The following NFKBIE variants were observed in gnomAD, a reference collection of about 807,000 sequenced individuals.
NFKBIE encodes the protein NFKB inhibitor epsilon, also known as NF-kappa-B inhibitor epsilon.
In NFKBIE, 11 loss-of-function variants were observed where a neutral mutation model predicts 31.6. That is an observed-to-expected ratio of 0.35 (90% CI 0.22 to 0.58). NFKBIE has a LOEUF of 0.58. Among genes scored for constraint, NFKBIE ranks in the 20% least tolerant of loss-of-function variants. The pLI is 0.83. For synonymous variants in NFKBIE, 208 were observed against 210.1 expected (o/e 0.99, Z 0.09); for missense variants, 354 against 465.7 (o/e 0.76, Z 2.21).
At position 44,261,876 on chromosome 6, in the gene NFKBIE, GC is replaced by G. The variant is rs1458097542; in HGVS notation, c.469-29del. On this transcript the variant is annotated intron_variant, in intron 2 of 5. Coordinates refer to ENST00000619360, the MANE Select transcript of NFKBIE (RefSeq NM_004556.3). The surrounding 1 kb of genome is among the most constrained non-coding windows in gnomAD (Gnocchi z 4.3). ...GGAGGCACAAATAGAGGGTCATGGG[GC>G]CACTGCAGCATGCTCCCACCTCTGG... 6.3e-7 allele frequency: 1 copy of G among 1,578,188 alleles called. No individual in the cohort carries two copies. The highest frequency in any genetic ancestry group is 1.3e-5 in the African/African-American group (1 of 74,216).
rs1400767973 is a variant in NFKBIE, at chr6:44,263,723, AGGGAGGAAAGT to A, written c.366-1072_366-1062del. ...CCCACAGCCCAGACACCTCCAACAG[AGGGAGGAAAGT>A]GCCCCCTGCTCTCTGGGGACTCGCT... On this transcript the variant is annotated intron_variant, in intron 1 of 5. Transcript: ENST00000619360. This position sits in a 1 kb window ranked among gnomAD's most constrained non-coding sequence, Gnocchi z 5.0. Among the ~76,000 whole-genome samples the A allele has an allele frequency of 6.6e-6, 1 of 151,996 alleles. No individual in the cohort carries two copies. The highest frequency in any genetic ancestry group is 2.4e-5 in the African/African-American group (1 of 41,358).
Position 44,265,133 on chromosome 6 carries a change from T to C in NFKBIE, c.214A>G (p.Thr72Ala). The C allele has an allele frequency of 6.4e-7, 1 of 1,552,384 alleles. No homozygotes were observed. Among genetic ancestry groups the C allele is most frequent in the Non-Finnish European group, 8.7e-7 (1 of 1,147,306 alleles). ...TAGGTGAGCGAGGAGGAGCCATAGG[T>C]GGAATCAGCCCGCTCCCCATCCGCG... is the stretch of plus-strand genomic sequence containing the variant. ...EDADGERADS[T>A]YGSSSLTYTL... The change falls in exon 1 of 6, where the codon ACC becomes GCC. Residue 72 changes from threonine (T) to alanine (A), a missense_variant. Thr to Ala is a moderately conservative substitution (Grantham distance 58). This residue lies in a region of NFKBIE where 171 missense variants were observed against 155.1 expected (regional missense o/e 1.10). Coordinates refer to ENST00000619360, the MANE Select transcript of NFKBIE (RefSeq NM_004556.3).
At position 44,261,801 on chromosome 6, in the gene NFKBIE, C is replaced by T; in HGVS notation, c.516G>A (p.Arg172=). 1 of 1,613,032 alleles carries T rather than the reference C, an allele frequency of 6.2e-7. No individual in the cohort carries two copies. The highest frequency in any genetic ancestry group is 8.5e-7 in the Non-Finnish European group (1 of 1,180,028). Residue 172 remains arginine (R), a synonymous_variant, in exon 3 of 6, where the codon CGG becomes CGA. Transcript: ENST00000619360. The surrounding 1 kb of genome is among the most constrained non-coding windows in gnomAD (Gnocchi z 4.3). ...AVHLDQPGAV[R]ALVLKGASRA... ...GGCTGGCCCCCTTCAGCACCAGTGCCCGAACTGCGCCCGGTTGGTCCAGAT... is the reference window on the plus strand; with the variant it reads ...GGCTGGCCCCCTTCAGCACCAGTGCTCGAACTGCGCCCGGTTGGTCCAGAT...
Position 44,260,335 on chromosome 6 carries a change from C to T in NFKBIE, c.781-53G>A. On this transcript the variant is annotated intron_variant, in intron 4 of 5. Coordinates refer to ENST00000619360, the MANE Select transcript of NFKBIE (RefSeq NM_004556.3). The surrounding 1 kb of genome is among the most constrained non-coding windows in gnomAD (Gnocchi z 5.5). ...GGCCCTCAGAGGCAGTGTGCTGGGCCTGGGCTCTGGATAAGGAAGTGAATG... is the reference window on the plus strand; with the variant it reads ...GGCCCTCAGAGGCAGTGTGCTGGGCTTGGGCTCTGGATAAGGAAGTGAATG... 7 of 1,608,364 alleles carry T rather than the reference C, an allele frequency of 4.4e-6. No individual in the cohort carries two copies. The highest frequency in any genetic ancestry group is 6.0e-6 in the Non-Finnish European group (7 of 1,175,584).
Position 44,260,095 on chromosome 6 carries a change from T to C in NFKBIE, c.968A>G (p.Asp323Gly). The change falls in exon 5 of 6, where the codon GAC (aspartate) becomes GGC (glycine). Residue 323 changes from aspartate (D) to glycine (G), a missense_variant. This residue lies in a region of NFKBIE where 183 missense variants were observed against 310.6 expected (regional missense o/e 0.59). Coordinates refer to ENST00000619360, the MANE Select transcript of NFKBIE (RefSeq NM_004556.3). The surrounding 1 kb of genome is among the most constrained non-coding windows in gnomAD (Gnocchi z 5.5). ...ATCCTCCACATTCCGCAGCAGGGAG[T>C]CAGCACCCGCCTTGCACAGAGTGGA... is the stretch of plus-strand genomic sequence containing the variant. ...ISSTLCKAGA[D>G]SLLRNVEDET... 1 of 1,613,980 alleles carries C rather than the reference T, an allele frequency of 6.2e-7. No homozygotes were observed. Among genetic ancestry groups the C allele is most frequent in the Middle Eastern group, 1.6e-4 (1 of 6,062 alleles).
rs779768849 is a variant in NFKBIE, at chr6:44,260,152, A to G, written c.911T>C (p.Leu304Pro). 6.2e-7 allele frequency: 1 copy of G among 1,614,236 alleles called. No individual in the cohort carries two copies. ...GCCCATGAGACCCCGGCCAGCTGCCAGGTGCAGGGGTGTGCACCCGTTCAG... is the reference window on the plus strand; with the variant it reads ...GCCCATGAGACCCCGGCCAGCTGCCGGGTGCAGGGGTGTGCACCCGTTCAG... The part of the protein sequence containing the change: ...RMLNGCTPLH[L>P]AAGRGLMGIS... The change falls in exon 5 of 6, where the codon CTG becomes CCG. Residue 304 changes from leucine to proline, a missense_variant. Leu to Pro is a moderately conservative substitution (Grantham distance 98). Coordinates refer to ENST00000619360, the MANE Select transcript of NFKBIE (RefSeq NM_004556.3). The surrounding 1 kb of genome is among the most constrained non-coding windows in gnomAD (Gnocchi z 5.5).
chr6:44,264,675 A>G (rs1329674792), intron 1 of NFKBIE, among the ~76,000 whole-genome samples: 1 of 141,188 alleles, frequency 7.1e-6, no homozygotes, highest in African/African-American at 2.5e-5. Context: ...TTCCCCAGCA[A>G]GAAGAAACAA....
Position 44,265,398 on chromosome 6 carries a change from G to A in NFKBIE, c.-52C>T. The A allele has an allele frequency of 6.5e-7, 1 of 1,550,036 alleles. No individual in the cohort carries two copies. The highest frequency in any genetic ancestry group is 2.2e-4 in the Middle Eastern group (1 of 4,562). On this transcript the variant is annotated 5_prime_UTR_variant, in exon 1 of 6. Transcript: ENST00000619360. ...CGGTCTGAGCAGGATCCGGCTCCAG[G>A]CTCCGCCGCGCCGCCTTTCCGGGTT...
At position 44,261,884 on chromosome 6, in the gene NFKBIE, A is replaced by T. The variant is rs1258516099; in HGVS notation, c.469-36T>A. The T allele has an allele frequency of 1.3e-6, 2 of 1,555,032 alleles. No individual in the cohort carries two copies. Among genetic ancestry groups the T allele is most frequent in the East Asian group, 4.6e-5 (2 of 43,194 alleles). On this transcript the variant is annotated intron_variant, in intron 2 of 5. Coordinates refer to ENST00000619360, the MANE Select transcript of NFKBIE (RefSeq NM_004556.3). The surrounding 1 kb of genome is among the most constrained non-coding windows in gnomAD (Gnocchi z 4.3). Reference sequence around the variant, plus strand: ...AAATAGAGGGTCATGGGGCCACTGCAGCATGCTCCCACCTCTGGGAACATG... The same window carrying T: ...AAATAGAGGGTCATGGGGCCACTGCTGCATGCTCCCACCTCTGGGAACATG...
chr6:44,259,048 T>C lies in NFKBIE; in HGVS notation c.*171A>G. Reference sequence around the variant, plus strand: ...TCCTTCCAGACTGGCTCTCTTCCACTTGCAGTCCCTCCTCCTCGGCTCAGG... The same window carrying C: ...TCCTTCCAGACTGGCTCTCTTCCACCTGCAGTCCCTCCTCCTCGGCTCAGG... On this transcript the variant is annotated 3_prime_UTR_variant, in exon 6 of 6. Coordinates refer to ENST00000619360, the MANE Select transcript of NFKBIE (RefSeq NM_004556.3). The C allele has an allele frequency of 3.4e-6, 2 of 583,464 alleles. No homozygotes were observed. Among genetic ancestry groups the C allele is most frequent in the Non-Finnish European group, 3.0e-6 (1 of 328,572 alleles). The allele number at this position is 583,464 out of a possible 1,614,324, so 36.1% of individuals were successfully genotyped here. A position where few individuals can be genotyped will look rare whatever the true frequency, so the allele number is the denominator to read the frequency against.
chr6:44,265,328 C>G lies in NFKBIE; in HGVS notation c.19G>C (p.Gly7Arg). The change falls in exon 1 of 6, where the codon GGG (glycine) becomes CGG (arginine). Residue 7 changes from glycine to arginine, a missense_variant. Coordinates refer to ENST00000619360, the MANE Select transcript of NFKBIE (RefSeq NM_004556.3). Reference sequence around the variant, plus strand: ...TGGCTCTCCTCCGCCTCGTCCGGCCCCTTCCGCGCCTCCGACATGCCCGCG... The same window carrying G: ...TGGCTCTCCTCCGCCTCGTCCGGCCGCTTCCGCGCCTCCGACATGCCCGCG... Reference protein sequence around the residue: MSEARKGPDEAEESQYD... With the variant: MSEARKRPDEAEESQYD... 6.4e-7 allele frequency: 1 copy of G among 1,552,130 alleles called. No individual in the cohort carries two copies. The highest frequency in any genetic ancestry group is 8.7e-7 in the Non-Finnish European group (1 of 1,153,194).
At position 44,260,127 on chromosome 6, in the gene NFKBIE, G is replaced by A. The variant is rs758617214; in HGVS notation, c.936C>T (p.Gly312=). ...LHLAAGRGLM[G]ISSTLCKAGA... The stretch of plus-strand genomic sequence containing the variant: ...CCGCCTTGCACAGAGTGGATGAGAT[G>A]CCCATGAGACCCCGGCCAGCTGCCA... The change falls in exon 5 of 6, where the codon GGC becomes GGT. Residue 312 remains glycine (G), a synonymous_variant. Transcript: ENST00000619360. This position sits in a 1 kb window ranked among gnomAD's most constrained non-coding sequence, Gnocchi z 5.5. The A allele has an allele frequency of 3.1e-6, 5 of 1,614,218 alleles. No homozygotes were observed.
rs773824745 is a variant in NFKBIE, at chr6:44,265,367, G to A, written c.-21C>T. On this transcript the variant is annotated 5_prime_UTR_variant, in exon 1 of 6. Transcript: ENST00000619360. ...GACATGCCCGCGGCTCTGGCCGGCC[G>A]GGGCCCGGTCTGAGCAGGATCCGGC... The A allele has an allele frequency of 3.8e-6, 6 of 1,561,158 alleles. No homozygotes were observed. The highest frequency in any genetic ancestry group is 3.6e-5 in the Admixed American group (2 of 55,242).
Position 44,260,890 on chromosome 6 carries a change from C to CACACACAA in NFKBIE, c.692-352_692-351insTTGTGTGT, listed in dbSNP as rs1491136566. Among the ~76,000 whole-genome samples, 2 of 141,756 alleles carry CACACACAA rather than the reference C, an allele frequency of 1.4e-5. No homozygotes were observed. Among genetic ancestry groups the CACACACAA allele is most frequent in the African/African-American group, 2.6e-5 (1 of 37,858 alleles). The allele number at this position is 141,756 out of a possible 152,430, so 93.0% of individuals were successfully genotyped here. A position where few individuals can be genotyped will look rare whatever the true frequency, so the allele number is the denominator to read the frequency against. On this transcript the variant is annotated intron_variant, in intron 3 of 5. Coordinates refer to ENST00000619360, the MANE Select transcript of NFKBIE (RefSeq NM_004556.3). This position sits in a 1 kb window ranked among gnomAD's most constrained non-coding sequence, Gnocchi z 5.5. Reference sequence around the variant, plus strand: ...ACACACACACACACACACACACACACAACCTGCCTTCAAGCCCAGTCTGAA... The same window carrying CACACACAA: ...ACACACACACACACACACACACACACACACACAAAACCTGCCTTCAAGCCCAGTCTGAA...
chr6:44,265,530 C>T lies in NFKBIE; in HGVS notation c.-184G>A. On this transcript the variant is annotated 5_prime_UTR_variant, in exon 1 of 6. Coordinates refer to ENST00000619360, the MANE Select transcript of NFKBIE (RefSeq NM_004556.3). ...GCGAGGACAAGGTTCGGAGCGCTGG[C>T]CAGGTCCACCCAGCGGTTACTGTGG... 1 of 1,568,634 alleles carries T rather than the reference C, an allele frequency of 6.4e-7. No individual in the cohort carries two copies. Among genetic ancestry groups the T allele is most frequent in the Non-Finnish European group, 8.6e-7 (1 of 1,158,950 alleles).
At chr6:44,262,770 G>A (rs1781968554) in intron 1 of NFKBIE, 108 bp from the exon 2 acceptor site, 2 of 785,604 alleles carry the variant, frequency 2.5e-6, no homozygotes, top group Non-Finnish European at 4.3e-6. Flanking sequence ...CTACCCATAG[G>A]GTAGGTCCAG....
rs766532981 is a variant in NFKBIE, at chr6:44,260,578, T to C, written c.692-39A>G. The C allele has an allele frequency of 1.3e-6, 2 of 1,589,910 alleles. No homozygotes were observed. Among genetic ancestry groups the C allele is most frequent in the Admixed American group, 3.3e-5 (2 of 59,878 alleles). The stretch of plus-strand genomic sequence containing the variant: ...AGAGTGAGGGTGAGGGCTGCTGATC[T>C]GCATCCACCAACTCCCTCTCTTCTG... On this transcript the variant is annotated intron_variant, in intron 3 of 5. Coordinates refer to ENST00000619360, the MANE Select transcript of NFKBIE (RefSeq NM_004556.3). The surrounding 1 kb of genome is among the most constrained non-coding windows in gnomAD (Gnocchi z 5.5).
chr6:44,263,737 C>T lies in NFKBIE; in HGVS notation c.366-1075G>A, dbSNP rs143576599. Among the ~76,000 whole-genome samples, 52 of 152,226 alleles carry T rather than the reference C, an allele frequency of 3.4e-4. 1 individual carries two copies. In the East Asian group the frequency reaches 8.3e-3, roughly 24 times the overall value. On this transcript the variant is annotated intron_variant, in intron 1 of 5. Transcript: ENST00000619360. This position sits in a 1 kb window ranked among gnomAD's most constrained non-coding sequence, Gnocchi z 5.0. Reference sequence around the variant, plus strand: ...ACCTCCAACAGAGGGAGGAAAGTGCCCCCTGCTCTCTGGGGACTCGCTGGG... The same window carrying T: ...ACCTCCAACAGAGGGAGGAAAGTGCTCCCTGCTCTCTGGGGACTCGCTGGG...
rs3799963 is a variant in NFKBIE at position 44,263,742 on chromosome 6, G to T, written c.366-1080C>A. ...CAACAGAGGGAGGAAAGTGCCCCCT[G>T]CTCTCTGGGGACTCGCTGGGGAGCC... On this transcript the variant is annotated intron_variant, in intron 1 of 5. Coordinates refer to ENST00000619360, the MANE Select transcript of NFKBIE (RefSeq NM_004556.3). This position sits in a 1 kb window ranked among gnomAD's most constrained non-coding sequence, Gnocchi z 5.0. Among the ~76,000 whole-genome samples the T allele has an allele frequency of 2.0e-5, 3 of 152,132 alleles. No individual in the cohort carries two copies. In the South Asian group the frequency reaches 6.2e-4, roughly 32 times the overall value.
Sources: gnomAD v4.1 joint callset for allele counts (sites outside exome capture counted in the v4.1 genomes callset) on GRCh38, gnomAD v4.1.1 for gene constraint, gnomAD v4.1.1 regional missense constraint, Gnocchi (gnomAD v3.1) non-coding constraint, MANE v1.5 for transcripts, NCBI Gene and HGNC (gene_info 2026-07-23, HGNC 2026-07-21) for gene names.